Variants in SLC5A8 observed in about 807,000 individuals in gnomAD.
SLC5A8 encodes the protein solute carrier family 5 member 8.
Under a neutral mutation model 71.9 loss-of-function variants are expected in SLC5A8, and 55 were observed. The ratio of observed to expected loss-of-function variants is 0.77; its 90% CI spans 0.62 to 0.96. SLC5A8 has a LOEUF of 0.96. Among genes scored for constraint, SLC5A8 ranks in the 40% least tolerant of loss-of-function variants. SLC5A8 has a pLI of 0.00. For synonymous variants in SLC5A8, 307 were observed against 276.1 expected, an observed-to-expected ratio of 1.11 and a Z score of -1.11; for missense variants, 701 against 745.3, an observed-to-expected ratio of 0.94 and a Z score of 0.69.
chr12:101,183,584 C>T (rs1206647924), intron 8 of SLC5A8, among the ~76,000 whole-genome samples: 6 of 152,162 alleles, frequency 3.9e-5, no homozygotes, highest in Middle Eastern at 3.4e-3. Context: ...GTCATAAGTC[C>T]TCCCTACCAT....
intron 4 of SLC5A8, 75 bp from the exon 5 acceptor site, chr12:101,193,854 C>G: frequency 7.0e-7 from 1 of 1,431,314 alleles, no homozygotes; most frequent in Non-Finnish European, 9.5e-7. Flanking sequence ...ATACACTATA[C>G]TGGAGAAAAA....
intron 1 of SLC5A8, among the ~76,000 whole-genome samples, chr12:101,206,353 T>C (rs1869678112): frequency 6.6e-6 from 1 of 152,258 alleles, no homozygotes; most frequent in Non-Finnish European, 1.5e-5. Context: ...TAAATCTCTA[T>C]GAATCACTAA....
intron 3 of SLC5A8, among the ~76,000 whole-genome samples, chr12:101,200,422 G>T (rs1447296158): frequency 1.3e-5 from 2 of 151,840 alleles, no homozygotes; most frequent in African/African-American, 4.8e-5. Flanking sequence ...TTCTCAACAG[G>T]CATCAGGTGG....
At chr12:101,206,581 C>A (rs575588379) in intron 1 of SLC5A8, among the ~76,000 whole-genome samples, 4 of 152,296 alleles carry the variant, frequency 2.6e-5, no homozygotes, top group South Asian at 4.1e-4. Context: ...TGAAGAAATA[C>A]CCGGAGACTG....
intron 10 of SLC5A8, among the ~76,000 whole-genome samples, chr12:101,174,815 T>A (rs1037620480): frequency 6.6e-6 from 1 of 152,146 alleles, no homozygotes; most frequent in Non-Finnish European, 1.5e-5. Context: ...GGCGGCACCC[T>A]CCCTTACGCT....
At chr12:101,199,746 A>G (rs769232471) in intron 3 of SLC5A8, among the ~76,000 whole-genome samples, 5 of 151,852 alleles carry the variant, frequency 3.3e-5, no homozygotes, top group Non-Finnish European at 7.4e-5. Context: ...CTGTTTGGCA[A>G]TTTCTTGTAA....
intron 6 of SLC5A8, among the ~76,000 whole-genome samples, chr12:101,187,798 G>A (rs915791843): frequency 1.3e-5 from 2 of 152,122 alleles, no homozygotes; most frequent in Non-Finnish European, 2.9e-5. Flanking sequence ...CTTTATAAAG[G>A]TACCTAGTTA....
In SLC5A8 at chr12:101,209,861, G is replaced by T. The variant is rs746295468; in HGVS notation, c.-13C>A. On this transcript the variant is annotated 5_prime_UTR_variant, in exon 1 of 15. Transcript: ENST00000536262. ...GTGGCGTGTCCATGGCCGCACGGTC[G>T]CCTGAGCCCTGCGCGCAAACTGGTG... 14 of 1,510,682 alleles carry T rather than the reference G, an allele frequency of 9.3e-6. No homozygotes were observed. In the East Asian group the frequency reaches 1.2e-4, roughly 13 times the overall value. The allele number at this position is 1,510,682 out of a possible 1,614,324, so 93.6% of individuals were successfully genotyped here.
chr12:101,194,965 G>A (rs1222164738), intron 4 of SLC5A8, 130 bp downstream of exon 4: 1 of 768,026 alleles, frequency 1.3e-6, no homozygotes. Flanking sequence ...CACAAAAAAA[G>A]TTACACTGCA....
At chr12:101,201,341 T>A (rs1449895743) in intron 3 of SLC5A8, among the ~76,000 whole-genome samples, 1 of 152,200 alleles carries the variant, frequency 6.6e-6, no homozygotes, top group Non-Finnish European at 1.5e-5. Context: ...CTGTCATGTC[T>A]ATCATAAAAT....
chr12:101,182,256 A>G (rs1300487606), intron 9 of SLC5A8, among the ~76,000 whole-genome samples: 1 of 152,222 alleles, frequency 6.6e-6, no homozygotes, highest in Non-Finnish European at 1.5e-5. Context: ...GTCAAAATTC[A>G]TAACACTCTG....
intron 10 of SLC5A8, among the ~76,000 whole-genome samples, chr12:101,169,147 C>T (rs2051802774): frequency 6.6e-6 from 1 of 152,164 alleles, no homozygotes; most frequent in African/African-American, 2.4e-5. Context: ...GGGAGATAGA[C>T]TTCACTGCAA....
In SLC5A8 at chr12:101,166,528, T is replaced by C. The variant is rs1172531313; in HGVS notation, c.1492A>G (p.Thr498Ala). 12 of 1,613,802 alleles carry C rather than the reference T, an allele frequency of 7.4e-6. No individual in the cohort carries two copies. The highest frequency in any genetic ancestry group is 1.0e-5 in the Non-Finnish European group (12 of 1,179,914). ...NLMTTTEMPF[T>A]TSVFQIYNVQ... Reference sequence around the variant, plus strand: ...TTGTATATTTGAAAAACACTAGTAGTAAATGGCATTTCTGTGGTTGTCATC... The same window carrying C: ...TTGTATATTTGAAAAACACTAGTAGCAAATGGCATTTCTGTGGTTGTCATC... Residue 498 changes from threonine (T) to alanine (A), a missense_variant, in exon 12 of 15, where the codon ACT (threonine) becomes GCT (alanine). Thr to Ala is a moderately conservative substitution (Grantham distance 58, BLOSUM62 0). Transcript: ENST00000536262.
chr12:101,197,872 G>T (rs957938173), intron 3 of SLC5A8, among the ~76,000 whole-genome samples: 1 of 151,904 alleles, frequency 6.6e-6, no homozygotes, highest in African/African-American at 2.4e-5. Context: ...CATCCAAAAA[G>T]CACACAATAT....
intron 3 of SLC5A8, among the ~76,000 whole-genome samples, chr12:101,195,695 C>CTT (rs11338261): frequency 4.0e-4 from 39 of 97,382 alleles, no homozygotes; most frequent in Non-Finnish European, 5.4e-4. Flanking sequence ...ATGGTAATTC[C>CTT]TTTTTTTTTT....
chr12:101,210,176 A>ATTTTTTGATGAT lies in SLC5A8; in HGVS notation c.-329_-328insATCATCAAAAAA. The ATTTTTTGATGAT allele has an allele frequency of 3.6e-5, 12 of 329,044 alleles. No individual in the cohort carries two copies. The highest frequency in any genetic ancestry group is 6.6e-5 in the Non-Finnish European group (12 of 182,830). 20.4% of individuals were successfully genotyped at this position (329,044 alleles called of 1,614,324 possible). On this transcript the variant is annotated 5_prime_UTR_variant, in exon 1 of 15. Coordinates refer to ENST00000536262, the MANE Select transcript of SLC5A8 (RefSeq NM_145913.5). The stretch of plus-strand genomic sequence containing the variant: ...CGCCGGGGACACCTGAGCAGATGAG[A>ATTTTTTGATGAT]ACTGGAGCCTCCAGCTGCTTCCAGC...
intron 6 of SLC5A8, among the ~76,000 whole-genome samples, chr12:101,188,612 G>A (rs145553301): frequency 1.6e-4 from 25 of 152,232 alleles, no homozygotes; most frequent in Admixed American, 4.6e-4. Context: ...ACAGTCCAGC[G>A]TCTCCCTCTC....
At chr12:101,160,039 G>A (rs550068530) in intron 13 of SLC5A8, among the ~76,000 whole-genome samples, 85 of 152,162 alleles carry the variant, frequency 5.6e-4, no homozygotes, top group African/African-American at 1.9e-3. Flanking sequence ...AAAATTAGCC[G>A]GGCGTGGTGG....
chr12:101,157,561 C>T (rs763865618), intron 14 of SLC5A8, among the ~76,000 whole-genome samples, 160 bp from the exon 15 acceptor site: 11 of 151,512 alleles, frequency 7.3e-5, no homozygotes, highest in Non-Finnish European at 1.5e-4. Context: ...CAGAGGATAC[C>T]GAGATATTCA....
Sources: allele counts gnomAD v4.1 joint callset (sites outside exome capture counted in the v4.1 genomes callset), GRCh38; gene constraint gnomAD v4.1.1; transcripts MANE v1.5; gene names NCBI Gene and HGNC (gene_info 2026-07-23, HGNC 2026-07-21).